The following CABP1 variants were observed in gnomAD, a reference collection of about 807,000 sequenced individuals.
CABP1 encodes calcium-binding protein 1.
In CABP1, 17 loss-of-function variants were observed where a neutral mutation model predicts 34.3. The observed-to-expected ratio is 0.50, with a 90% CI of 0.34 to 0.74. CABP1 has a LOEUF of 0.74. Ranked by LOEUF, CABP1 falls within the 30% of genes least tolerant of loss-of-function variation. The pLI, the probability that CABP1 is intolerant of heterozygous loss-of-function variation, is 0.01. For missense variants in CABP1, 373 were observed against 511.1 expected (o/e 0.73, Z 2.61); for synonymous variants, 198 against 229.2 (o/e 0.86, Z 1.23).
downstream of CABP1, among the ~76,000 whole-genome samples, chr12:120,667,826 C>T (rs1881098883): frequency 6.6e-6 from 1 of 152,160 alleles, no homozygotes. Context: ...TACTCAGTGA[C>T]TTCCATTCTC....
chr12:120,649,829 G>A (rs1879730055), intron 1 of CABP1, among the ~76,000 whole-genome samples: 1 of 152,144 alleles, frequency 6.6e-6, no homozygotes, highest in Admixed American at 6.5e-5. Context: ...CAAGGCAAGT[G>A]TGAAAAATGG....
chr12:120,655,631 T>G, intron 1 of CABP1: 2 of 1,390,308 alleles, frequency 1.4e-6, no homozygotes, highest in Non-Finnish European at 9.3e-7. Flanking sequence ...GACAAGTCTG[T>G]TTGGGAGCTG....
chr12:120,655,071 G>A (rs991622874), intron 1 of CABP1, among the ~76,000 whole-genome samples: 11 of 152,144 alleles, frequency 7.2e-5, no homozygotes, highest in African/African-American at 1.9e-4. Context: ...TGGCCCACCC[G>A]GTGCTTTAAA....
In CABP1 at chr12:120,661,948, ATCTC is replaced by A. The variant is rs747702699; in HGVS notation, c.1087+734_1087+737del. On this transcript the variant is annotated intron_variant, in intron 5 of 5. Coordinates refer to ENST00000316803, the MANE Select transcript of CABP1 (RefSeq NM_001033677.2). The surrounding 1 kb of genome is among the most constrained non-coding windows in gnomAD (Gnocchi z 5.1). ...TCTATGTATTCATCTACTCATATAG[ATCTC>A]TCTATGTGTTCACACTTCTATACTT... 1.6e-4 allele frequency: 25 copies of A among 152,460 alleles called. No individual in the cohort carries two copies. Among genetic ancestry groups the A allele is most frequent in the Non-Finnish European group, 2.3e-4 (16 of 68,180 alleles). 9.4% of individuals were successfully genotyped at this position (152,460 alleles called of 1,614,324 possible). A position where few individuals can be genotyped will look rare whatever the true frequency, so the allele number is the denominator to read the frequency against.
In CABP1 at chr12:120,640,763, C is replaced by T. The variant is rs1008545258; in HGVS notation, c.78C>T (p.Ser26=). 6.9e-6 allele frequency: 8 copies of T among 1,159,766 alleles called. No individual in the cohort carries two copies. The Admixed American group carries it at 3.3e-4, about 48-fold the overall frequency. The allele number at this position is 1,159,766 out of a possible 1,614,324, so 71.8% of individuals were successfully genotyped here. A position where few individuals can be genotyped will look rare whatever the true frequency, so the allele number is the denominator to read the frequency against. ...TCCAGCGCGTCCTCGGGCTTGGCTC[C>T]CGCCGGGAGCCCCGTTCTCTGCCCG... ...ARLQRVLGLG[S]RREPRSLPAG... is the part of the protein sequence containing the mutation. Residue 26 remains serine, a synonymous_variant, in exon 1 of 6, where the codon TCC becomes TCT. Coordinates refer to ENST00000316803, the MANE Select transcript of CABP1 (RefSeq NM_001033677.2). This position sits in a 1 kb window ranked among gnomAD's most constrained non-coding sequence, Gnocchi z 6.2.
rs1593152065 is a variant in CABP1, at chr12:120,641,461, A to C, written c.654+122A>C. ...TCCCCCACGGATCACGCCTCGGCTCACCTCGTCCTCCCCGGGCCGGCGCCC... is the reference window on the plus strand; with the variant it reads ...TCCCCCACGGATCACGCCTCGGCTCCCCTCGTCCTCCCCGGGCCGGCGCCC... On this transcript the variant is annotated intron_variant, in intron 1 of 5. Coordinates refer to ENST00000316803, the MANE Select transcript of CABP1 (RefSeq NM_001033677.2). The surrounding 1 kb of genome is among the most constrained non-coding windows in gnomAD (Gnocchi z 6.7). 9.2e-7 allele frequency: 1 copy of C among 1,084,722 alleles called. No homozygotes were observed. Among genetic ancestry groups the C allele is most frequent in the South Asian group, 4.6e-5 (1 of 21,654 alleles). The allele number at this position is 1,084,722 out of a possible 1,614,324, so 67.2% of individuals were successfully genotyped here.
At chr12:120,669,753 GAA>G (rs11300854), downstream of CABP1, among the ~76,000 whole-genome samples, 195 of 141,818 alleles carry the variant, frequency 1.4e-3, no homozygotes, top group Middle Eastern at 7.2e-3. Context: ...GACTCTGTCT[GAA>G]AAAAAAAAAA....
chr12:120,644,428 C>T (rs1404743207), intron 1 of CABP1, among the ~76,000 whole-genome samples: 1 of 152,148 alleles, frequency 6.6e-6, no homozygotes, highest in Non-Finnish European at 1.5e-5. Flanking sequence ...TTCCGTACTC[C>T]CTCTTTGTGG....
At chr12:120,647,016 T>C (rs1042350119) in intron 1 of CABP1, among the ~76,000 whole-genome samples, 1 of 152,162 alleles carries the variant, frequency 6.6e-6, no homozygotes, top group African/African-American at 2.4e-5. Context: ...GATTTTTCCA[T>C]AGGGACCAGG....
intron 1 of CABP1, among the ~76,000 whole-genome samples, chr12:120,644,905 A>C (rs753769705): frequency 6.6e-6 from 1 of 152,196 alleles, no homozygotes; most frequent in Non-Finnish European, 1.5e-5. Flanking sequence ...CCAAGATTCA[A>C]GCCATTCACG....
chr12:120,656,012 C>A (rs753886376), intron 1 of CABP1: 2 of 1,597,228 alleles, frequency 1.3e-6, no homozygotes, highest in Non-Finnish European at 1.7e-6. Context: ...TTGCGGAAAG[C>A]CCCTCCCGGG....
Position 120,640,991 on chromosome 12 carries a change from C to T in CABP1, c.306C>T (p.Pro102=). 1 of 1,158,608 alleles carries T rather than the reference C, an allele frequency of 8.6e-7. No homozygotes were observed. The highest frequency in any genetic ancestry group is 1.1e-6 in the Non-Finnish European group (1 of 941,220). 71.8% of individuals were successfully genotyped at this position (1,158,608 alleles called of 1,614,324 possible). ...RDPGLPSRRL[P]GSCPATPQSS... Reference sequence around the variant, plus strand: ...CGGGGCTGCCTAGCCGCCGGCTACCCGGCTCCTGCCCGGCGACGCCGCAGT... The same window carrying T: ...CGGGGCTGCCTAGCCGCCGGCTACCTGGCTCCTGCCCGGCGACGCCGCAGT... Residue 102 remains proline (P), a synonymous_variant, in exon 1 of 6, where the codon CCC becomes CCT. Coordinates refer to ENST00000316803, the MANE Select transcript of CABP1 (RefSeq NM_001033677.2). This position sits in a 1 kb window ranked among gnomAD's most constrained non-coding sequence, Gnocchi z 6.2.
At position 120,640,725 on chromosome 12, in the gene CABP1, G is replaced by A; in HGVS notation, c.40G>A (p.Asp14Asn). 8.4e-7 allele frequency: 1 copy of A among 1,184,968 alleles called. No individual in the cohort carries two copies. Among genetic ancestry groups the A allele is most frequent in the Non-Finnish European group, 1.0e-6 (1 of 957,878 alleles). 73.4% of individuals were successfully genotyped at this position (1,184,968 alleles called of 1,614,324 possible). ...CGGGGCCGCATTTAAGCGGCCGGGG[G>A]ACGGCGCCCGCCTCCAGCGCGTCCT... is the stretch of plus-strand genomic sequence containing the variant. The part of the protein sequence containing the change: ...GDGAAFKRPG[D>N]GARLQRVLGL... The change falls in exon 1 of 6, where the codon GAC becomes AAC. Residue 14 changes from aspartate to asparagine, a missense_variant. Asp to Asn is a conservative substitution (Grantham distance 23, BLOSUM62 1). Transcript: ENST00000316803. The surrounding 1 kb of genome is among the most constrained non-coding windows in gnomAD (Gnocchi z 6.2).
intron 5 of CABP1, among the ~76,000 whole-genome samples, chr12:120,666,145 C>T (rs1880963214): frequency 6.8e-6 from 1 of 146,270 alleles, no homozygotes; most frequent in Non-Finnish European, 1.5e-5. Context: ...TTACAGTGAG[C>T]TATAATCATG....
chr12:120,673,292 AT>A, the CABP1 span, among the ~76,000 whole-genome samples: 1 of 152,096 alleles, frequency 6.6e-6, no homozygotes, highest in Non-Finnish European at 1.5e-5. Context: ...AATAAAAAAA[AT>A]ATCTAAAAAG....
Position 120,657,442 on chromosome 12 carries a change from G to C in CABP1, c.655-2436G>C, listed in dbSNP as rs546514710. Among the ~76,000 whole-genome samples the C allele has an allele frequency of 4.7e-4, 72 of 152,288 alleles. 1 individual carries two copies. The South Asian group carries it at 0.014, about 30-fold the overall frequency. Reference sequence around the variant, plus strand: ...AGGAGACTGTGGCTCAAACAGCAGAGTGACCTGCCTGAGGAAGTAGATCTG... The same window carrying C: ...AGGAGACTGTGGCTCAAACAGCAGACTGACCTGCCTGAGGAAGTAGATCTG... On this transcript the variant is annotated intron_variant, in intron 1 of 5. Coordinates refer to ENST00000316803, the MANE Select transcript of CABP1 (RefSeq NM_001033677.2).
the CABP1 span, among the ~76,000 whole-genome samples, chr12:120,678,043 G>A: frequency 6.6e-6 from 1 of 152,146 alleles, no homozygotes; most frequent in African/African-American, 2.4e-5. Flanking sequence ...CCACCTCTCT[G>A]GATGGCTCTG....
At chr12:120,671,514 G>A (rs1267405266), downstream of CABP1, among the ~76,000 whole-genome samples, 1 of 152,254 alleles carries the variant, frequency 6.6e-6, no homozygotes, top group Non-Finnish European at 1.5e-5. Context: ...GGAGAGAGGA[G>A]CAGAGAGAGG....
chr12:120,668,924 C>G (rs1273928413), downstream of CABP1, among the ~76,000 whole-genome samples: 1 of 152,176 alleles, frequency 6.6e-6, no homozygotes, highest in East Asian at 1.9e-4. Context: ...GGGCCACCCC[C>G]GCAGTGATTC....
Sources: gnomAD v4.1 joint callset for allele counts (sites outside exome capture counted in the v4.1 genomes callset) on GRCh38, gnomAD v4.1.1 for gene constraint, Gnocchi (gnomAD v3.1) non-coding constraint, MANE v1.5 for transcripts, NCBI Gene and HGNC (gene_info 2026-07-23, HGNC 2026-07-21) for gene names.